The following CDKAL1 variants were observed in gnomAD, a reference collection of about 807,000 sequenced individuals.
CDKAL1 encodes CDKAL1 threonylcarbamoyladenosine tRNA methylthiotransferase, also known as threonylcarbamoyladenosine tRNA methylthiotransferase.
CDKAL1 carries 32 observed loss-of-function variants against 68.2 expected under a neutral mutation model. The observed-to-expected ratio is 0.47, with a 90% CI of 0.35 to 0.63. CDKAL1 has a LOEUF of 0.63. CDKAL1 is among the 30% of genes least tolerant of loss of function. The pLI is 0.00. For synonymous variants in CDKAL1, 234 were observed against 244.3 expected (o/e 0.96, Z 0.39); for missense variants, 606 against 696.7 (o/e 0.87, Z 1.47).
chr6:21,026,864 A>G (rs1439667202), intron 11 of CDKAL1, among the ~76,000 whole-genome samples: 1 of 152,150 alleles, frequency 6.6e-6, no homozygotes, highest in Non-Finnish European at 1.5e-5. Flanking sequence ...TATTTACCAT[A>G]ATGACTAACT....
intron 9 of CDKAL1, among the ~76,000 whole-genome samples, chr6:20,888,206 A>G (rs907709260): frequency 2.6e-5 from 4 of 151,736 alleles, no homozygotes; most frequent in Non-Finnish European, 5.9e-5. Flanking sequence ...ATTCCCACCT[A>G]TGAGTGAGAA....
At chr6:21,206,631 C>T (rs1361096129) in intron 15 of CDKAL1, among the ~76,000 whole-genome samples, 3 of 151,948 alleles carry the variant, frequency 2.0e-5, no homozygotes, top group African/African-American at 4.8e-5. Context: ...GTAAAAATTG[C>T]TTTAAAGAAA....
intron 11 of CDKAL1, among the ~76,000 whole-genome samples, chr6:21,053,608 T>C (rs1770659630): frequency 2.0e-5 from 3 of 152,212 alleles, no homozygotes; most frequent in Admixed American, 2.0e-4. Flanking sequence ...CGTCAGTTTC[T>C]CTATATGCTT....
At chr6:20,592,405 G>A (rs779611255) in intron 4 of CDKAL1, among the ~76,000 whole-genome samples, 16 of 151,162 alleles carry the variant, frequency 1.1e-4, no homozygotes, top group Non-Finnish European at 1.8e-4. Context: ...TTACTATGTT[G>A]AATAGGAGTG....
intron 11 of CDKAL1, among the ~76,000 whole-genome samples, chr6:21,027,439 G>A (rs1243660028): frequency 1.3e-5 from 2 of 152,146 alleles, no homozygotes; most frequent in African/African-American, 2.4e-5. Context: ...TCAGTGGATT[G>A]AAGTAGATTC....
At chr6:20,554,488 G>A (rs553992331) in intron 4 of CDKAL1, among the ~76,000 whole-genome samples, 1 of 152,296 alleles carries the variant, frequency 6.6e-6, no homozygotes, top group Admixed American at 6.5e-5. Context: ...TTAGAAAATG[G>A]CCACAGGTCA....
At chr6:21,087,970 G>A (rs930574990) in intron 12 of CDKAL1, among the ~76,000 whole-genome samples, 1 of 152,108 alleles carries the variant, frequency 6.6e-6, no homozygotes, top group African/African-American at 2.4e-5. Context: ...TATATGTACA[G>A]GATGGGACGG....
At chr6:21,171,051 T>C (rs887093824) in intron 13 of CDKAL1, among the ~76,000 whole-genome samples, 1 of 152,240 alleles carries the variant, frequency 6.6e-6, no homozygotes, top group East Asian at 1.9e-4. Flanking sequence ...GTTTAAAAAA[T>C]ATATAGAAAA....
intron 8 of CDKAL1, among the ~76,000 whole-genome samples, chr6:20,817,143 T>C (rs772767252): frequency 5.9e-5 from 9 of 152,118 alleles, no homozygotes; most frequent in Non-Finnish European, 1.2e-4. Context: ...TAGTTATTGG[T>C]ATAGTTGGAA....
chr6:21,058,841 A>G (rs1329600144), intron 11 of CDKAL1, among the ~76,000 whole-genome samples: 1 of 151,148 alleles, frequency 6.6e-6, no homozygotes, highest in Non-Finnish European at 1.5e-5. Flanking sequence ...ATGCTCCTGT[A>G]TAAGGTGTCT....
At chr6:20,534,815 C>T (rs1763104945) in intron 1 of CDKAL1, among the ~76,000 whole-genome samples, 1 of 152,174 alleles carries the variant, frequency 6.6e-6, no homozygotes, top group African/African-American at 2.4e-5. Flanking sequence ...CACCTCGTTC[C>T]TTATTGTCAG....
chr6:20,972,747 C>T (rs1765656435), intron 10 of CDKAL1, among the ~76,000 whole-genome samples: 1 of 152,088 alleles, frequency 6.6e-6, no homozygotes, highest in Non-Finnish European at 1.5e-5. Context: ...ACTCAGAGAC[C>T]GTGAAAGGAG....
At position 21,108,957 on chromosome 6, in the gene CDKAL1, G is replaced by A. The variant is rs147989147; in HGVS notation, c.1299+494G>A. Among the ~76,000 whole-genome samples, 628 of 152,188 alleles carry A rather than the reference G, an allele frequency of 4.1e-3. 6 individuals are homozygous for A. The highest frequency in any genetic ancestry group is 0.014 in the African/African-American group (596 of 41,534). On this transcript the variant is annotated intron_variant, in intron 13 of 15. Coordinates refer to ENST00000274695, the MANE Select transcript of CDKAL1 (RefSeq NM_017774.3). ...GCTACACAGAAAATGACCAAATAAC[G>A]TGACGACCCACATGTACCCATCCCA...
chr6:20,814,885 G>T (rs927863000), intron 8 of CDKAL1, among the ~76,000 whole-genome samples: 1 of 152,140 alleles, frequency 6.6e-6, no homozygotes, highest in African/African-American at 2.4e-5. Flanking sequence ...TAGTGTTAAT[G>T]ATAGCTGAAC....
chr6:20,548,855 A>C lies in CDKAL1; in HGVS notation c.286+150A>C, dbSNP rs902515548. ...TTACACATTTTGTAGATAACCATGG[A>C]TGTCATATTTAAAAAAACTTTTTAT... On this transcript the variant is annotated intron_variant, in intron 4 of 15. Coordinates refer to ENST00000274695, the MANE Select transcript of CDKAL1 (RefSeq NM_017774.3). 7 of 511,168 alleles carry C rather than the reference A, an allele frequency of 1.4e-5. No individual in the cohort carries two copies. The African/African-American group carries it at 1.4e-4, about 10-fold the overall frequency. The allele number at this position is 511,168 out of a possible 1,614,324, so 31.7% of individuals were successfully genotyped here.
intron 12 of CDKAL1, among the ~76,000 whole-genome samples, chr6:21,067,560 T>C (rs2150936444): frequency 6.6e-6 from 1 of 152,256 alleles, no homozygotes. Context: ...TGCAGTGAGC[T>C]GAGATGGTTC....
chr6:20,573,527 G>A (rs72830625), intron 4 of CDKAL1, among the ~76,000 whole-genome samples: 8,065 of 152,168 alleles, frequency 0.053, 229 homozygotes, highest in Middle Eastern at 0.078. Context: ...TTTATATGTT[G>A]TCTTAGAATT....
At chr6:20,842,173 C>G (rs574256553) in intron 8 of CDKAL1, among the ~76,000 whole-genome samples, 1 of 152,230 alleles carries the variant, frequency 6.6e-6, no homozygotes, top group South Asian at 2.1e-4. Context: ...CAACATAATT[C>G]TTGGTGATTA....
intron 13 of CDKAL1, among the ~76,000 whole-genome samples, chr6:21,179,620 G>T (rs1238150620): frequency 6.6e-6 from 1 of 152,160 alleles, no homozygotes; most frequent in Admixed American, 6.5e-5. Context: ...TTTGAGGATT[G>T]AATATTTTAA....
Sources: allele counts gnomAD v4.1 joint callset (sites outside exome capture counted in the v4.1 genomes callset), GRCh38; gene constraint gnomAD v4.1.1; transcripts MANE v1.5; gene names NCBI Gene and HGNC (gene_info 2026-07-23, HGNC 2026-07-21).